The following RSU1 variants were observed in gnomAD, a reference collection of about 807,000 sequenced individuals.
RSU1 encodes Ras suppressor protein 1, also known as rsu-1.
A neutral mutation model predicts 31.1 loss-of-function variants in RSU1; 26 were observed. That is an observed-to-expected ratio of 0.84 (90% CI 0.61 to 1.16). The LOEUF (loss-of-function observed/expected upper bound fraction) is 1.16. Among genes scored for constraint, RSU1 ranks in the 50% most tolerant of loss-of-function variants. The pLI, the probability that RSU1 is intolerant of heterozygous loss-of-function variation, is 0.00. For missense variants in RSU1, 320 were observed against 339.1 expected (o/e 0.94, Z 0.44); for synonymous variants, 164 against 136.3 (o/e 1.20, Z -1.41).
intron 5 of RSU1, among the ~76,000 whole-genome samples, chr10:16,754,397 G>A (rs1355650917): frequency 7.2e-5 from 11 of 152,260 alleles, no homozygotes; most frequent in Middle Eastern, 3.4e-3. Flanking sequence ...GTCAATAAGA[G>A]TACTTTTTAA....
At chr10:16,733,723 C>G (rs773303326) in intron 7 of RSU1, among the ~76,000 whole-genome samples, 1 of 152,150 alleles carries the variant, frequency 6.6e-6, no homozygotes, top group African/African-American at 2.4e-5. Flanking sequence ...CGTATATATA[C>G]TGAACATGCA....
At chr10:16,709,323 A>C (rs1052589312) in intron 7 of RSU1, among the ~76,000 whole-genome samples, 3 of 152,092 alleles carry the variant, frequency 2.0e-5, no homozygotes, top group East Asian at 1.9e-4. Flanking sequence ...AAGGACATGA[A>C]CTCATCATTT....
intron 8 of RSU1, among the ~76,000 whole-genome samples, chr10:16,668,060 G>A (rs867348119): frequency 1.4e-4 from 21 of 152,216 alleles, no homozygotes; most frequent in Admixed American, 1.0e-3. Flanking sequence ...TTTGCAGTGA[G>A]AAATGCTTGG....
Position 16,753,428 on chromosome 10 carries a change from T to C in RSU1, c.401-428A>G, listed in dbSNP as rs148152065. On this transcript the variant is annotated intron_variant, in intron 5 of 8. Coordinates refer to ENST00000345264, the MANE Select transcript of RSU1 (RefSeq NM_012425.4). ...TCAAGAGAATACAGCTCTGTTAAAA[T>C]AGACCTTTTCCTATGTAAATAGCAC... Among the ~76,000 whole-genome samples the C allele has an allele frequency of 1.2e-4, 19 of 152,334 alleles. No individual in the cohort carries two copies. In the East Asian group the frequency reaches 3.7e-3, roughly 29 times the overall value.
Position 16,645,910 on chromosome 10 carries a change from G to A in RSU1, c.731+49113C>T, listed in dbSNP as rs1232596091. Among the ~76,000 whole-genome samples, 25 of 37,562 alleles carry A rather than the reference G, an allele frequency of 6.7e-4. 1 individual carries two copies. Among genetic ancestry groups the A allele is most frequent in the South Asian group, 5.9e-3 (6 of 1,018 alleles). The allele number at this position is 37,562 out of a possible 152,430, so 24.6% of individuals were successfully genotyped here. On this transcript the variant is annotated intron_variant, in intron 8 of 8. Coordinates refer to ENST00000345264, the MANE Select transcript of RSU1 (RefSeq NM_012425.4). ...TACATATATGTATATACACATATATGTATATATATGTGTATATACACATAT... is the reference window on the plus strand; with the variant it reads ...TACATATATGTATATACACATATATATATATATATGTGTATATACACATAT...
At chr10:16,799,083 G>A (rs189519170) in intron 2 of RSU1, among the ~76,000 whole-genome samples, 1 of 152,182 alleles carries the variant, frequency 6.6e-6, no homozygotes. Flanking sequence ...AGGGGTGCCT[G>A]TAGAACTAAG....
intron 8 of RSU1, among the ~76,000 whole-genome samples, chr10:16,638,477 C>G (rs1469569392): frequency 1.3e-5 from 2 of 152,154 alleles, no homozygotes; most frequent in Non-Finnish European, 2.9e-5. Flanking sequence ...TATAAACTAG[C>G]ACGGCATCTG....
chr10:16,603,368 T>C (rs1833745508), intron 8 of RSU1, among the ~76,000 whole-genome samples: 1 of 152,136 alleles, frequency 6.6e-6, no homozygotes, highest in Non-Finnish European at 1.5e-5. Context: ...ACTAACAATA[T>C]CATGCAAAAA....
rs1564320341 is a variant in RSU1 at position 16,695,077 on chromosome 10, A to T, written c.677T>A (p.Phe226Tyr). ...AAAAACATGGGACACGCCAAGCTGG[A>T]ACTGGTCTGCAATGGGGGTCACCCA... ...NPWVTPIADQ[F>Y]QLGVSHVFEY... Residue 226 changes from phenylalanine (F) to tyrosine (Y), a missense_variant, in exon 8 of 9, where the codon TTC (phenylalanine) becomes TAC (tyrosine). Phe to Tyr is a conservative substitution (Grantham distance 22). Coordinates refer to ENST00000345264, the MANE Select transcript of RSU1 (RefSeq NM_012425.4). The T allele has an allele frequency of 6.2e-7, 1 of 1,608,700 alleles. No individual in the cohort carries two copies. The highest frequency in any genetic ancestry group is 1.7e-5 in the Admixed American group (1 of 59,776).
intron 2 of RSU1, among the ~76,000 whole-genome samples, chr10:16,803,305 T>A (rs565407507): frequency 3.6e-4 from 55 of 152,060 alleles, no homozygotes; most frequent in Non-Finnish European, 7.1e-4. Flanking sequence ...TAACAAAATA[T>A]GTACAAGCTC....
intron 7 of RSU1, among the ~76,000 whole-genome samples, chr10:16,707,159 G>C (rs1835922714): frequency 1.3e-5 from 2 of 152,116 alleles, no homozygotes; most frequent in South Asian, 4.1e-4. Context: ...GGGCACTTAG[G>C]TTGATTACGT....
rs1564279002 is a variant in RSU1, at chr10:16,592,924, GATTTTATTAAA to G, written c.*459_*469del. Reference sequence around the variant, plus strand: ...TAAGTAACATGTGATACAAACTCAAGATTTTATTAAAATCATTTGTAAGTTAAATTAGCATA... The same window carrying G: ...TAAGTAACATGTGATACAAACTCAAGATCATTTGTAAGTTAAATTAGCATA... On this transcript the variant is annotated 3_prime_UTR_variant, in exon 9 of 9. Coordinates refer to ENST00000345264, the MANE Select transcript of RSU1 (RefSeq NM_012425.4). The G allele has an allele frequency of 6.5e-6, 1 of 153,682 alleles. No individual in the cohort carries two copies. Among genetic ancestry groups the G allele is most frequent in the African/African-American group, 2.4e-5 (1 of 41,394 alleles). 9.5% of individuals were successfully genotyped at this position (153,682 alleles called of 1,614,324 possible). A position where few individuals can be genotyped will look rare whatever the true frequency, so the allele number is the denominator to read the frequency against.
chr10:16,796,592 T>C (rs1311452466), intron 2 of RSU1, among the ~76,000 whole-genome samples: 3 of 152,146 alleles, frequency 2.0e-5, no homozygotes, highest in Middle Eastern at 3.2e-3. Flanking sequence ...TCAACAAGTA[T>C]GAAATTGTCA....
At chr10:16,777,039 G>A (rs947456461) in intron 3 of RSU1, among the ~76,000 whole-genome samples, 2 of 151,742 alleles carry the variant, frequency 1.3e-5, no homozygotes, top group Non-Finnish European at 2.9e-5. Flanking sequence ...AAAACTTAAG[G>A]AAAACTTCAC....
At chr10:16,665,088 C>T (rs114977143) in intron 8 of RSU1, among the ~76,000 whole-genome samples, 3,886 of 152,096 alleles carry the variant, frequency 0.026, 107 homozygotes, top group East Asian at 0.08. Flanking sequence ...GGATTACAGG[C>T]GCATGCTGTC....
chr10:16,777,318 T>A (rs1837553317), intron 3 of RSU1, among the ~76,000 whole-genome samples: 1 of 152,088 alleles, frequency 6.6e-6, no homozygotes, highest in East Asian at 1.9e-4. Flanking sequence ...AGCAGTATAA[T>A]TCTTTCAACG....
At chr10:16,666,161 C>T (rs1457288648) in intron 8 of RSU1, among the ~76,000 whole-genome samples, 1 of 152,144 alleles carries the variant, frequency 6.6e-6, no homozygotes, top group African/African-American at 2.4e-5. Context: ...TTTTATTCTA[C>T]AGCTATTCTA....
intron 7 of RSU1, among the ~76,000 whole-genome samples, chr10:16,717,259 G>T (rs186196313): frequency 6.6e-6 from 1 of 152,264 alleles, no homozygotes; most frequent in East Asian, 1.9e-4. Context: ...TGGAGATGGT[G>T]AGTGTGCAGA....
At chr10:16,646,375 C>G (rs944800835) in intron 8 of RSU1, among the ~76,000 whole-genome samples, 1 of 152,066 alleles carries the variant, frequency 6.6e-6, no homozygotes, top group Non-Finnish European at 1.5e-5. Context: ...AGTCAGGAGC[C>G]GTGGTTTATT....
Sources: gnomAD v4.1 joint callset for allele counts (sites outside exome capture counted in the v4.1 genomes callset) on GRCh38, gnomAD v4.1.1 for gene constraint, MANE v1.5 for transcripts, NCBI Gene and HGNC (gene_info 2026-07-23, HGNC 2026-07-21) for gene names.